FHIT: variants seen among roughly 807,000 people sequenced by gnomAD.
FHIT encodes the protein bis(5'-adenosyl)-triphosphatase.
Under a neutral mutation model 17.9 loss-of-function variants are expected in FHIT, and 19 were observed. The ratio of observed to expected loss-of-function variants is 1.06; its 90% confidence interval spans 0.74 to 1.56. The LOEUF (loss-of-function observed/expected upper bound fraction) is 1.56, where lower values mean the gene tolerates loss of function less well. FHIT is among the 40% of genes most tolerant of loss of function. FHIT has a pLI of 0.00. For synonymous variants in FHIT, 81 were observed against 69.7 expected, an observed-to-expected ratio of 1.16 and a Z score of -0.81; for missense variants, 248 against 189.2, an observed-to-expected ratio of 1.31 and a Z score of -1.82.
At chr3:59,808,790 G>A (rs1417692114) in intron 8 of FHIT, among the ~76,000 whole-genome samples, 1 of 152,092 alleles carries the variant, frequency 6.6e-6, no homozygotes, top group African/African-American at 2.4e-5. Context: ...TAACAGCTGA[G>A]GGCAATAAAA....
At chr3:60,269,034 A>G (rs1456178838) in intron 5 of FHIT, among the ~76,000 whole-genome samples, 1 of 152,220 alleles carries the variant, frequency 6.6e-6, no homozygotes, top group Non-Finnish European at 1.5e-5. Flanking sequence ...CAGAGGAAAC[A>G]CAGCCCTGCT....
intron 8 of FHIT, among the ~76,000 whole-genome samples, chr3:59,852,475 T>A (rs1455936618): frequency 6.6e-6 from 1 of 151,862 alleles, no homozygotes; most frequent in Non-Finnish European, 1.5e-5. Context: ...CATATTAACT[T>A]CCCCCCACCA....
At chr3:60,604,491 A>T (rs1553670245) in intron 4 of FHIT, among the ~76,000 whole-genome samples, 1 of 152,208 alleles carries the variant, frequency 6.6e-6, no homozygotes, top group Admixed American at 6.5e-5. Context: ...CCGCAGATAA[A>T]ATCCCAAAAG....
chr3:60,028,785 TTAA>T (rs1234231396), intron 5 of FHIT, among the ~76,000 whole-genome samples: 1 of 152,146 alleles, frequency 6.6e-6, no homozygotes. Context: ...GACAAACTTA[TTAA>T]CATAAATTAC....
At chr3:60,188,608 A>G (rs1199026933) in intron 5 of FHIT, among the ~76,000 whole-genome samples, 1 of 152,046 alleles carries the variant, frequency 6.6e-6, no homozygotes, top group Non-Finnish European at 1.5e-5. Context: ...TCATCCTTCA[A>G]ATTTTGACAG....
At chr3:59,909,324 G>A (rs1339131385) in intron 8 of FHIT, among the ~76,000 whole-genome samples, 2 of 151,424 alleles carry the variant, frequency 1.3e-5, no homozygotes, top group African/African-American at 2.4e-5. Context: ...GAGCCACTGC[G>A]CCCGGCCCTA....
At chr3:59,984,396 G>C (rs201511718) in intron 7 of FHIT, among the ~76,000 whole-genome samples, 14 of 118,330 alleles carry the variant, frequency 1.2e-4, no homozygotes, top group Admixed American at 3.8e-4. Context: ...AAATCCACTG[G>C]GGGGGGCTCT....
At chr3:60,634,564 G>C (rs62249149) in intron 4 of FHIT, among the ~76,000 whole-genome samples, 17,130 of 152,152 alleles carry the variant, frequency 0.11, 1,209 homozygotes, top group East Asian at 0.15. Context: ...ATCAATAGAC[G>C]TTGGCCTTTT....
intron 4 of FHIT, among the ~76,000 whole-genome samples, chr3:60,739,337 AAG>A (rs1360373921): frequency 6.6e-6 from 1 of 152,178 alleles, no homozygotes; most frequent in African/African-American, 2.4e-5. Context: ...GCAGAGCTAA[AAG>A]AGCATTGTAA....
intron 5 of FHIT, among the ~76,000 whole-genome samples, chr3:60,015,187 G>A (rs1381048409): frequency 6.6e-6 from 1 of 152,128 alleles, no homozygotes; most frequent in African/African-American, 2.4e-5. Flanking sequence ...TTCTGCAATT[G>A]CTAGTCTCAC....
At chr3:60,278,857 T>A (rs1431814448) in intron 5 of FHIT, among the ~76,000 whole-genome samples, 1 of 152,000 alleles carries the variant, frequency 6.6e-6, no homozygotes, top group African/African-American at 2.4e-5. Flanking sequence ...AAAATAGAGC[T>A]TAGCAAAATT....
At chr3:60,113,926 C>T (rs1429687501) in intron 5 of FHIT, among the ~76,000 whole-genome samples, 1 of 136,100 alleles carries the variant, frequency 7.3e-6, no homozygotes, top group Non-Finnish European at 1.5e-5. Context: ...GGCGTGAACC[C>T]GGGAGGCGGA....
At chr3:60,983,606 A>G (rs894079771) in intron 3 of FHIT, among the ~76,000 whole-genome samples, 1 of 152,174 alleles carries the variant, frequency 6.6e-6, no homozygotes, top group East Asian at 1.9e-4. Flanking sequence ...TGGCAGCAAC[A>G]ATGTCAGCAG....
intron 7 of FHIT, among the ~76,000 whole-genome samples, chr3:59,988,161 G>A (rs1709069506): frequency 6.6e-6 from 1 of 152,088 alleles, no homozygotes; most frequent in East Asian, 1.9e-4. Context: ...TTCTCAGGCA[G>A]CCTCCAAAAT....
At chr3:60,535,855 G>A (rs1395691393) in intron 5 of FHIT, 1 of 149,766 alleles carries the variant, frequency 6.7e-6, no homozygotes, top group Non-Finnish European at 1.5e-5. Flanking sequence ...TAGAAAAGAA[G>A]CTTGTTCATA....
intron 5 of FHIT, among the ~76,000 whole-genome samples, chr3:60,197,187 G>C (rs914907720): frequency 1.3e-5 from 2 of 152,006 alleles, no homozygotes; most frequent in East Asian, 1.9e-4. Context: ...CCACAGCTTG[G>C]AACTATTCTG....
At chr3:60,127,611 AT>A (rs765982159) in intron 5 of FHIT, among the ~76,000 whole-genome samples, 34 of 151,954 alleles carry the variant, frequency 2.2e-4, no homozygotes, top group Non-Finnish European at 3.5e-4. Context: ...TTTTATATCT[AT>A]TTTTTTGGAG....
intron 5 of FHIT, among the ~76,000 whole-genome samples, chr3:60,416,916 C>G (rs916869962): frequency 3.9e-5 from 6 of 151,954 alleles, no homozygotes; most frequent in African/African-American, 1.5e-4. Context: ...AAAACCCCGT[C>G]TCTACTAAAA....
chr3:60,676,142 C>T (rs189833344), intron 4 of FHIT, among the ~76,000 whole-genome samples: 31 of 152,248 alleles, frequency 2.0e-4, no homozygotes, highest in East Asian at 1.7e-3. Context: ...CAGGGCAATT[C>T]GAGGCATCAG....
Sources: gnomAD v4.1 joint callset for allele counts (sites outside exome capture counted in the v4.1 genomes callset) on GRCh38, gnomAD v4.1.1 for gene constraint, MANE v1.5 for transcripts, NCBI Gene and HGNC (gene_info 2026-07-23, HGNC 2026-07-21) for gene names.